The following ZFP3 variants were observed in gnomAD, a reference collection of about 807,000 sequenced individuals.
ZFP3 encodes zinc finger protein 3 homolog.
A neutral mutation model predicts 36.7 loss-of-function variants in ZFP3; 18 were observed. That is an observed-to-expected ratio of 0.49 (90% CI 0.34 to 0.73). The LOEUF (loss-of-function observed/expected upper bound fraction) is 0.73, where lower values mean the gene tolerates loss of function less well. Ranked by LOEUF, ZFP3 falls within the 30% of genes least tolerant of loss-of-function variation. The probability of loss-of-function intolerance (pLI) is 0.01; values close to 1 mark genes in which losing one functional copy is unlikely to be tolerated. For missense variants in ZFP3, 495 were observed against 599.0 expected, an observed-to-expected ratio of 0.83 and a Z score of 1.81; for synonymous variants, 218 against 199.0, an observed-to-expected ratio of 1.10 and a Z score of -0.81.
At chr17:5,086,587 CTTT>C (rs11392105) in intron 1 of ZFP3, among the ~76,000 whole-genome samples, 1 of 142,442 alleles carries the variant, frequency 7.0e-6, no homozygotes, top group Admixed American at 7.0e-5. Flanking sequence ...CTTTCATCCA[CTTT>C]TTTTTTTTTT....
At position 5,084,254 on chromosome 17, in the gene ZFP3, G is replaced by T. The variant is rs150307469; in HGVS notation, c.-9+5679G>T. ...AGATATCTGGTTTATACATCAGTAC[G>T]TTGTGAATGAGGCTTTTTTTTTTTT... On this transcript the variant is annotated intron_variant, in intron 1 of 1. Transcript: ENST00000318833. 6.6e-3 allele frequency among the ~76,000 whole-genome samples: 911 copies of T among 138,646 alleles called. 15 individuals carry two copies. The highest frequency in any genetic ancestry group is 0.021 in the African/African-American group (802 of 37,450). The allele number at this position is 138,646 out of a possible 152,430, so 91.0% of individuals were successfully genotyped here.
intron 1 of ZFP3, among the ~76,000 whole-genome samples, chr17:5,080,616 C>T (rs1395736665): frequency 6.6e-6 from 1 of 152,058 alleles, no homozygotes; most frequent in East Asian, 1.9e-4. Flanking sequence ...AAACCTCATC[C>T]CAGTTTCCCA....
In ZFP3 at chr17:5,092,436, GTAA is replaced by G; in HGVS notation, c.934_936del (p.Asn312del). 1 of 1,614,204 alleles carries G rather than the reference GTAA, an allele frequency of 6.2e-7. No individual in the cohort carries two copies. The highest frequency in any genetic ancestry group is 8.5e-7 in the Non-Finnish European group (1 of 1,180,032). ...CATACTGGAGAAAAACCATATCTGT[GTAA>G]TGAATGTGGGAAGGGCTTCGGGCAG... On this transcript the variant is annotated inframe_deletion, in exon 2 of 2. Transcript: ENST00000318833. The surrounding 1 kb of genome is among the most constrained non-coding windows in gnomAD (Gnocchi z 5.0).
At chr17:5,081,721 C>T (rs1460121389) in intron 1 of ZFP3, among the ~76,000 whole-genome samples, 3 of 151,662 alleles carry the variant, frequency 2.0e-5, no homozygotes, top group Admixed American at 1.3e-4. Context: ...CCTGCCTCAG[C>T]CTCCCGAGTA....
intron 1 of ZFP3, among the ~76,000 whole-genome samples, chr17:5,081,073 A>G (rs972696792): frequency 6.7e-6 from 1 of 148,722 alleles, no homozygotes; most frequent in Non-Finnish European, 1.5e-5. Context: ...TGAAATCCCA[A>G]TGTTTTTTCT....
Position 5,078,973 on chromosome 17 carries a change from G to T in ZFP3, c.-9+398G>T, listed in dbSNP as rs1381251203. On this transcript the variant is annotated intron_variant, in intron 1 of 1. Coordinates refer to ENST00000318833, the MANE Select transcript of ZFP3 (RefSeq NM_153018.3). The surrounding 1 kb of genome is among the most constrained non-coding windows in gnomAD (Gnocchi z 4.5). The stretch of plus-strand genomic sequence containing the variant: ...ACGCCCTAGTGGCAGATTGTGCCCT[G>T]TGCTGCCAGACAAGATATTGGCTTA... Among the ~76,000 whole-genome samples, 2 of 152,320 alleles carry T rather than the reference G, an allele frequency of 1.3e-5. No homozygotes were observed. Among genetic ancestry groups the T allele is most frequent in the Non-Finnish European group, 2.9e-5 (2 of 68,016 alleles).
rs1245705361 is a variant in ZFP3, at chr17:5,094,634, TA to T, written c.*1626del. 5 of 167,148 alleles carry T rather than the reference TA, an allele frequency of 3.0e-5. No individual in the cohort carries two copies. The highest frequency in any genetic ancestry group is 1.2e-4 in the African/African-American group (5 of 41,472). The allele number at this position is 167,148 out of a possible 1,614,324, so 10.4% of individuals were successfully genotyped here. On this transcript the variant is annotated 3_prime_UTR_variant, in exon 2 of 2. Transcript: ENST00000318833. ...CCAGCCCGATAATTCCTTAATTCTT[TA>T]AAAATTTAACTTTATATATCTTTAT...
In ZFP3 at chr17:5,092,014, A is replaced by T; in HGVS notation, c.510A>T (p.Glu170Asp). The T allele has an allele frequency of 6.2e-7, 1 of 1,614,224 alleles. No individual in the cohort carries two copies. Among genetic ancestry groups the T allele is most frequent in the Non-Finnish European group, 8.5e-7 (1 of 1,180,022 alleles). The change falls in exon 2 of 2, where the codon GAA (glutamate) becomes GAT (aspartate). Residue 170 changes from glutamate (E) to aspartate (D), a missense_variant. Transcript: ENST00000318833. This position sits in a 1 kb window ranked among gnomAD's most constrained non-coding sequence, Gnocchi z 5.0. ...MRVHSGEKPFECKECGKTFGT... is the reference protein window; with the variant it reads ...MRVHSGEKPFDCKECGKTFGT... ...TTCATAGTGGAGAAAAACCCTTTGA[A>T]TGTAAAGAATGTGGAAAGACATTTG...
At position 5,092,574 on chromosome 17, in the gene ZFP3, G is replaced by T; in HGVS notation, c.1070G>T (p.Arg357Ile). The T allele has an allele frequency of 6.2e-7, 1 of 1,614,084 alleles. No homozygotes were observed. Among genetic ancestry groups the T allele is most frequent in the South Asian group, 1.1e-5 (1 of 91,086 alleles). ...AACTCAGAGATTATTAGACATATTA[G>T]AATTCATACTGGTGAGAAGCCCTAT... ...GQNSEIIRHI[R>I]IHTGEKPYVC... Residue 357 changes from arginine to isoleucine, a missense_variant, in exon 2 of 2, where the codon AGA becomes ATA. Arg to Ile is a moderately conservative substitution (Grantham distance 97). This residue lies in a region of ZFP3 where 163 missense variants were observed against 178.4 expected (regional missense o/e 0.91). Coordinates refer to ENST00000318833, the MANE Select transcript of ZFP3 (RefSeq NM_153018.3). The surrounding 1 kb of genome is among the most constrained non-coding windows in gnomAD (Gnocchi z 5.0).
At chr17:5,085,801 G>A (rs748988345) in intron 1 of ZFP3, among the ~76,000 whole-genome samples, 9 of 152,232 alleles carry the variant, frequency 5.9e-5, no homozygotes, top group Non-Finnish European at 1.0e-4. Context: ...CTCTACGAAT[G>A]CTGATTTTGT....
chr17:5,088,306 C>G (rs1462432240), intron 1 of ZFP3, among the ~76,000 whole-genome samples: 1 of 152,066 alleles, frequency 6.6e-6, no homozygotes, highest in East Asian at 1.9e-4. Flanking sequence ...CTCCTTACAC[C>G]TATCTCCAGT....
intron 1 of ZFP3, among the ~76,000 whole-genome samples, chr17:5,087,077 ATTTTTTTT>A (rs35379036): frequency 9.8e-6 from 1 of 101,568 alleles, no homozygotes; most frequent in Non-Finnish European, 1.9e-5. Flanking sequence ...ACTGCATTTG[ATTTTTTTT>A]TTTTTTTTTT....
intron 1 of ZFP3, among the ~76,000 whole-genome samples, chr17:5,079,454 C>T (rs112294421): frequency 0.04 from 6,086 of 151,676 alleles, 408 homozygotes; most frequent in African/African-American, 0.14. Context: ...TTTCTTGAGC[C>T]TGGGAAGTTG....
In ZFP3 at chr17:5,092,046, A is replaced by G; in HGVS notation, c.542A>G (p.Asn181Ser). The change falls in exon 2 of 2, where the codon AAT (asparagine) becomes AGT (serine). Residue 181 changes from asparagine to serine, a missense_variant. Around this residue, in one of 3 missense-constraint regions of ZFP3, gnomAD observed 229 missense variants for 233.8 expected, o/e 0.98. Coordinates refer to ENST00000318833, the MANE Select transcript of ZFP3 (RefSeq NM_153018.3). The surrounding 1 kb of genome is among the most constrained non-coding windows in gnomAD (Gnocchi z 5.0). ...CKECGKTFGT[N>S]SSLRRHLRIH... ...GAATGTGGAAAGACATTTGGAACTA[A>G]TTCAAGCCTTCGACGGCACCTGAGA... The G allele has an allele frequency of 6.2e-7, 1 of 1,614,244 alleles. No individual in the cohort carries two copies. The highest frequency in any genetic ancestry group is 8.5e-7 in the Non-Finnish European group (1 of 1,180,038).
At chr17:5,090,024 A>G (rs1241256761) in intron 1 of ZFP3, among the ~76,000 whole-genome samples, 1 of 152,218 alleles carries the variant, frequency 6.6e-6, no homozygotes, top group East Asian at 1.9e-4. Context: ...TGATTACAAA[A>G]TTAATATGTA....
Position 5,095,466 on chromosome 17 carries a change from C to G in ZFP3, c.*2453C>G, listed in dbSNP as rs1424554529. 1 of 166,972 alleles carries G rather than the reference C, an allele frequency of 6.0e-6. No individual in the cohort carries two copies. The highest frequency in any genetic ancestry group is 6.6e-5 in the Admixed American group (1 of 15,252). The allele number at this position is 166,972 out of a possible 1,614,324, so 10.3% of individuals were successfully genotyped here. ...TCACCTATCCCTTCCATGCCTGATT[C>G]CCGTGTTTGCATATTTTATTTCCAC... On this transcript the variant is annotated 3_prime_UTR_variant, in exon 2 of 2. Transcript: ENST00000318833.
intron 1 of ZFP3, among the ~76,000 whole-genome samples, chr17:5,087,215 G>T (rs1344310200): frequency 1.3e-5 from 2 of 151,688 alleles, no homozygotes; most frequent in African/African-American, 4.9e-5. Context: ...CGAGTAGCTG[G>T]AACTACAGGC....
At chr17:5,084,115 C>T (rs1029380412) in intron 1 of ZFP3, among the ~76,000 whole-genome samples, 2 of 152,076 alleles carry the variant, frequency 1.3e-5, no homozygotes, top group African/African-American at 4.8e-5. Context: ...ATCTGCCTGC[C>T]TCGGCCTCCC....
chr17:5,088,296 C>T (rs1168244510), intron 1 of ZFP3, among the ~76,000 whole-genome samples: 1 of 152,094 alleles, frequency 6.6e-6, no homozygotes, highest in Non-Finnish European at 1.5e-5. Flanking sequence ...TGAGTCCTCC[C>T]TCCTTACACC....
Sources: gnomAD v4.1 joint callset for allele counts (sites outside exome capture counted in the v4.1 genomes callset) on GRCh38, gnomAD v4.1.1 for gene constraint, gnomAD v4.1.1 regional missense constraint, Gnocchi (gnomAD v3.1) non-coding constraint, MANE v1.5 for transcripts, NCBI Gene and HGNC (gene_info 2026-07-23, HGNC 2026-07-21) for gene names.